The following SIPA1L1 variants were observed in gnomAD, a reference collection of about 807,000 sequenced individuals.
The protein encoded by SIPA1L1 is signal induced proliferation associated 1 like 1, also known as signal-induced proliferation-associated 1-like protein 1.
Under a neutral mutation model 162.7 loss-of-function variants are expected in SIPA1L1, and 26 were observed. The ratio of observed to expected loss-of-function variants is 0.16; its 90% CI spans 0.12 to 0.22. The LOEUF is 0.22. Among genes scored for constraint, SIPA1L1 ranks in the 10% least tolerant of loss-of-function variants. The probability of loss-of-function intolerance (pLI) is 1.00; values close to 1 mark genes in which losing one functional copy is unlikely to be tolerated. For synonymous variants in SIPA1L1, 829 were observed against 837.4 expected, an observed-to-expected ratio of 0.99 and a Z score of 0.17; for missense variants, 1,874 against 2,241.0, an observed-to-expected ratio of 0.84 and a Z score of 3.31.
chr14:71,675,777 C>T (rs1266834824), intron 12 of SIPA1L1, among the ~76,000 whole-genome samples: 1 of 152,124 alleles, frequency 6.6e-6, no homozygotes, highest in Non-Finnish European at 1.5e-5. Context: ...TACCCCTCAG[C>T]CTGGTGGTTC....
chr14:71,606,091 C>T (rs948562180), intron 5 of SIPA1L1, among the ~76,000 whole-genome samples: 2 of 152,138 alleles, frequency 1.3e-5, no homozygotes, highest in Non-Finnish European at 2.9e-5. Flanking sequence ...TGAGTTATCC[C>T]CAGACCCCTG....
rs79802562 is a variant in SIPA1L1, at chr14:71,723,639, C to A, written c.4209-8C>A. ...AGATACACATGTCTTTGCCCTGCTT[C>A]TCCTCAGTACCATGAGCTCCCGACA... On this transcript the variant is annotated splice_polypyrimidine_tract_variant and splice_region_variant and intron_variant, in intron 17 of 23. Coordinates refer to ENST00000381232, the MANE Select transcript of SIPA1L1 (RefSeq NM_001386936.1). The A allele has an allele frequency of 1.1e-4, 184 of 1,613,922 alleles. 1 individual carries two copies. The African/African-American group carries it at 1.9e-3, about 17-fold the overall frequency.
At chr14:71,460,236 C>T (rs1185782478) in intron 2 of SIPA1L1, among the ~76,000 whole-genome samples, 1 of 152,156 alleles carries the variant, frequency 6.6e-6, no homozygotes, top group Non-Finnish European at 1.5e-5. Flanking sequence ...TTCTACTACC[C>T]ATTCTGTATT....
intron 4 of SIPA1L1, among the ~76,000 whole-genome samples, chr14:71,544,616 A>G (rs923783900): frequency 1.3e-5 from 2 of 151,918 alleles, no homozygotes; most frequent in African/African-American, 4.8e-5. Context: ...AGGTTGATAA[A>G]CCATCTCTAA....
At chr14:71,481,177 A>G (rs1431580076) in intron 2 of SIPA1L1, among the ~76,000 whole-genome samples, 2 of 152,176 alleles carry the variant, frequency 1.3e-5, no homozygotes, top group Non-Finnish European at 2.9e-5. Flanking sequence ...CAGGCGAATT[A>G]GAGAATATAG....
intron 17 of SIPA1L1, among the ~76,000 whole-genome samples, chr14:71,716,826 C>A (rs2150109073): frequency 6.6e-6 from 1 of 152,320 alleles, no homozygotes; most frequent in Middle Eastern, 3.4e-3. Context: ...TACACGTGAT[C>A]CATGGTTTCA....
intron 18 of SIPA1L1, 68 bp from the exon 19 acceptor site, chr14:71,724,602 G>C: frequency 1.6e-6 from 2 of 1,270,678 alleles, no homozygotes; most frequent in South Asian, 2.8e-5. Flanking sequence ...ACATCCTTTA[G>C]AGCCCATCAT....
intron 2 of SIPA1L1, among the ~76,000 whole-genome samples, chr14:71,331,391 A>G (rs1432722912): frequency 6.6e-6 from 1 of 152,216 alleles, no homozygotes; most frequent in Non-Finnish European, 1.5e-5. Context: ...CAATTCAAAG[A>G]ATTTTTCCTG....
intron 2 of SIPA1L1, among the ~76,000 whole-genome samples, chr14:71,439,770 G>T (rs1456356986): frequency 9.2e-5 from 14 of 152,070 alleles, no homozygotes; most frequent in Non-Finnish European, 4.4e-5. Context: ...TGATTTAAAA[G>T]ATTTTTGTTG....
chr14:71,682,974 T>C (rs1377733376), intron 12 of SIPA1L1, among the ~76,000 whole-genome samples: 1 of 152,088 alleles, frequency 6.6e-6, no homozygotes, highest in Non-Finnish European at 1.5e-5. Context: ...TGCAACATGG[T>C]GAAACCCTGT....
chr14:71,362,183 G>GT (rs975099605), intron 2 of SIPA1L1, among the ~76,000 whole-genome samples: 3 of 152,154 alleles, frequency 2.0e-5, no homozygotes, highest in African/African-American at 4.8e-5. Context: ...TGAGTTTGCT[G>GT]TTTTTTTAGA....
chr14:71,537,405 A>T (rs188878959), intron 4 of SIPA1L1, among the ~76,000 whole-genome samples: 1 of 152,060 alleles, frequency 6.6e-6, no homozygotes, highest in Non-Finnish European at 1.5e-5. Context: ...GGGTTTCACC[A>T]TATTGGCCAG....
intron 4 of SIPA1L1, among the ~76,000 whole-genome samples, chr14:71,571,213 C>G (rs2031938710): frequency 6.6e-6 from 1 of 151,898 alleles, no homozygotes; most frequent in Non-Finnish European, 1.5e-5. Context: ...AAAAGTCTCT[C>G]AAATACCTAA....
intron 4 of SIPA1L1, among the ~76,000 whole-genome samples, chr14:71,577,145 A>T (rs2033175522): frequency 6.6e-6 from 1 of 152,066 alleles, no homozygotes. Flanking sequence ...TCAAAGTGAC[A>T]TGACTACCAT....
At chr14:71,635,884 C>A (rs992437189) in intron 7 of SIPA1L1, among the ~76,000 whole-genome samples, 1 of 151,836 alleles carries the variant, frequency 6.6e-6, no homozygotes, top group African/African-American at 2.4e-5. Flanking sequence ...AAAGACCATG[C>A]AAACATGAAT....
At chr14:71,430,901 G>A (rs1567014455) in intron 2 of SIPA1L1, among the ~76,000 whole-genome samples, 1 of 152,010 alleles carries the variant, frequency 6.6e-6, no homozygotes, top group Non-Finnish European at 1.5e-5. Context: ...TTCAAATCCT[G>A]ATCAACTCAG....
rs2033478016 is a variant in SIPA1L1, at chr14:71,578,699, A to G, written c.-302-8872A>G. ...GCAGTACTTTACTGTATTTGTCAGT[A>G]CTGTAAATTTACTTCATCTGTCTGA... On this transcript the variant is annotated intron_variant, in intron 4 of 23. Coordinates refer to ENST00000381232, the MANE Select transcript of SIPA1L1 (RefSeq NM_001386936.1). Among the ~76,000 whole-genome samples, 11 of 152,254 alleles carry G rather than the reference A, an allele frequency of 7.2e-5. 1 individual carries two copies. Among genetic ancestry groups the G allele is most frequent in the Admixed American group, 6.5e-4 (10 of 15,288 alleles).
chr14:71,323,320 T>A (rs557079569), intron 2 of SIPA1L1, among the ~76,000 whole-genome samples: 1 of 152,356 alleles, frequency 6.6e-6, no homozygotes, highest in East Asian at 1.9e-4. Context: ...ATGACTGTTT[T>A]TCTTTTTTTA....
rs548887054 is a variant in SIPA1L1, at chr14:71,734,042, C to T, written c.5008+230C>T. Among the ~76,000 whole-genome samples, 383 of 152,356 alleles carry T rather than the reference C, an allele frequency of 2.5e-3. 4 individuals carry two copies. Among genetic ancestry groups the T allele is most frequent in the Admixed American group, 5.9e-3 (90 of 15,306 alleles). On this transcript the variant is annotated intron_variant, in intron 21 of 23. Coordinates refer to ENST00000381232, the MANE Select transcript of SIPA1L1 (RefSeq NM_001386936.1). ...TCCACAGGATTCATAACATGAATGC[C>T]TCGCCTCCTCCGTATATGGGAAGGG... is the stretch of plus-strand genomic sequence containing the variant.
Sources: allele counts gnomAD v4.1 joint callset (sites outside exome capture counted in the v4.1 genomes callset), GRCh38; gene constraint gnomAD v4.1.1; transcripts MANE v1.5; gene names NCBI Gene and HGNC (gene_info 2026-07-23, HGNC 2026-07-21).